MLF1: variants seen among roughly 807,000 people sequenced by gnomAD.
MLF1 encodes myeloid leukemia factor 1.
Under a neutral mutation model 38.3 loss-of-function variants are expected in MLF1, and 37 were observed. The observed-to-expected ratio is 0.96, with a 90% CI of 0.74 to 1.27. The LOEUF is 1.27. Among genes scored for constraint, MLF1 ranks in the 50% most tolerant of loss-of-function variants. The pLI is 0.00. For synonymous variants in MLF1, 95 were observed against 106.5 expected, an observed-to-expected ratio of 0.89 and a Z score of 0.66; for missense variants, 331 against 349.2, an observed-to-expected ratio of 0.95 and a Z score of 0.42.
In MLF1 at chr3:158,592,566, T is replaced by C. The variant is rs770766548; in HGVS notation, c.180T>C (p.Gly60=). 1 of 1,606,962 alleles carries C rather than the reference T, an allele frequency of 6.2e-7. No individual in the cohort carries two copies. Among genetic ancestry groups the C allele is most frequent in the Admixed American group, 1.7e-5 (1 of 59,004 alleles). ...ATAATCGTAGAGGACATAATGATGG[T>C]GAAGATTCTTTGACTGTAAGTTCTT... is the stretch of plus-strand genomic sequence containing the variant. ...RAHNRRGHND[G]EDSLTATSCS... Residue 60 remains glycine, a synonymous_variant, in exon 2 of 8, where the codon GGT becomes GGC. Transcript: ENST00000466246.
intron 1 of MLF1, among the ~76,000 whole-genome samples, chr3:158,587,595 A>G (rs1323818919): frequency 6.6e-6 from 1 of 152,240 alleles, no homozygotes; most frequent in Non-Finnish European, 1.5e-5. Flanking sequence ...CCTGGTATTC[A>G]TGCCTTTATG....
chr3:158,602,006 CG>C (rs1162999476), intron 6 of MLF1, among the ~76,000 whole-genome samples: 3 of 151,652 alleles, frequency 2.0e-5, no homozygotes, highest in Non-Finnish European at 4.4e-5. Context: ...TTAGTAGAGA[CG>C]TGGTTTCACC....
At chr3:158,588,375 G>T (rs1717581225) in intron 1 of MLF1, among the ~76,000 whole-genome samples, 1 of 152,162 alleles carries the variant, frequency 6.6e-6, no homozygotes, top group Non-Finnish European at 1.5e-5. Context: ...ACTAATACAT[G>T]TTATGTCAGA....
At chr3:158,589,390 T>G (rs1717790739) in intron 1 of MLF1, among the ~76,000 whole-genome samples, 1 of 151,990 alleles carries the variant, frequency 6.6e-6, no homozygotes, top group African/African-American at 2.4e-5. Flanking sequence ...TTTTGTACTT[T>G]TAGTAGAAAC....
intron 1 of MLF1, chr3:158,590,776 A>T: frequency 2.2e-6 from 1 of 456,388 alleles, no homozygotes; most frequent in Non-Finnish European, 4.4e-6. Flanking sequence ...GGAATGATAG[A>T]AATGTTCTAC....
chr3:158,596,817 G>C (rs752799351), intron 3 of MLF1, 45 bp from the exon 4 acceptor site: 1 of 1,275,246 alleles, frequency 7.8e-7, no homozygotes, highest in East Asian at 2.4e-5. Flanking sequence ...TGCATCTTTT[G>C]TGTTGTTACC....
chr3:158,605,096 G>C lies in MLF1; in HGVS notation c.747-1G>C, dbSNP rs1720349395. On this transcript the variant is annotated splice_acceptor_variant, in intron 7 of 7. Transcript: ENST00000466246. LOFTEE classifies it high-confidence loss of function. The stretch of plus-strand genomic sequence containing the variant: ...TTAATATTCACATGTATATTTCTCA[G>C]GGAGAAACCTCAACAAAGTCCAGCC... 6.2e-7 allele frequency: 1 copy of C among 1,607,924 alleles called. No individual in the cohort carries two copies. Among genetic ancestry groups the C allele is most frequent in the African/African-American group, 1.3e-5 (1 of 74,764 alleles).
chr3:158,604,472 C>T (rs1720238062), intron 7 of MLF1, among the ~76,000 whole-genome samples: 1 of 152,128 alleles, frequency 6.6e-6, no homozygotes, highest in Non-Finnish European at 1.5e-5. Flanking sequence ...TGAAGCATTG[C>T]TGGTACAACT....
Position 158,593,438 on chromosome 3 carries a change from A to C in MLF1, c.240+12A>C. On this transcript the variant is annotated intron_variant, in intron 3 of 7. Coordinates refer to ENST00000466246, the MANE Select transcript of MLF1 (RefSeq NM_001369783.1). ...ATTTTGGTGGTATGGTTCGTATCTT[A>C]AGACACAAATCATTTTAGCAATATT... is the stretch of plus-strand genomic sequence containing the variant. The C allele has an allele frequency of 1.3e-6, 2 of 1,549,792 alleles. No individual in the cohort carries two copies. Among genetic ancestry groups the C allele is most frequent in the Non-Finnish European group, 1.7e-6 (2 of 1,152,990 alleles).
intron 3 of MLF1, among the ~76,000 whole-genome samples, chr3:158,594,261 A>C (rs1335417942): frequency 2.0e-5 from 3 of 152,162 alleles, no homozygotes; most frequent in African/African-American, 7.2e-5. Flanking sequence ...GGTCAATCCA[A>C]GTAGACTTCT....
At chr3:158,574,505 T>TAAAA (rs758915813) in intron 1 of MLF1, among the ~76,000 whole-genome samples, 3 of 91,382 alleles carry the variant, frequency 3.3e-5, no homozygotes, top group African/African-American at 1.7e-4. Context: ...CCATCTGTAC[T>TAAAA]AAAAAAAAAA....
chr3:158,576,624 T>C (rs976062805), intron 1 of MLF1, among the ~76,000 whole-genome samples: 1 of 151,966 alleles, frequency 6.6e-6, no homozygotes, highest in African/African-American at 2.4e-5. Context: ...TTACCAGCTA[T>C]TGGAGATAGA....
At chr3:158,604,360 CAATGGCATTTTCTGA>C (rs1206887282) in intron 7 of MLF1, among the ~76,000 whole-genome samples, 1 of 152,124 alleles carries the variant, frequency 6.6e-6, no homozygotes, top group African/African-American at 2.4e-5. Context: ...CGGCACTGTC[CAATGGCATTTTCTGA>C]AATGACTTCG....
At chr3:158,583,903 G>C (rs930326361) in intron 1 of MLF1, among the ~76,000 whole-genome samples, 7 of 152,102 alleles carry the variant, frequency 4.6e-5, no homozygotes, top group Admixed American at 4.6e-4. Context: ...CATTTCTACT[G>C]TGACCAACAG....
chr3:158,571,663 A>G (rs1377049584), intron 1 of MLF1, among the ~76,000 whole-genome samples: 2 of 8,528 alleles, frequency 2.3e-4, no homozygotes, highest in Non-Finnish European at 4.1e-4. Flanking sequence ...GGGGGAGAAG[A>G]GTTGAGGCCG....
chr3:158,571,243 G>T lies in MLF1; in HGVS notation c.-58G>T. On this transcript the variant is annotated 5_prime_UTR_variant, in exon 1 of 8. Transcript: ENST00000466246. Reference sequence around the variant, plus strand: ...GGCTAGCTCTTGTCGCGGCCGCGGCGAGTTAACATCGTTTTTCCAATCTGT... The same window carrying T: ...GGCTAGCTCTTGTCGCGGCCGCGGCTAGTTAACATCGTTTTTCCAATCTGT... 2 of 1,411,432 alleles carry T rather than the reference G, an allele frequency of 1.4e-6. No individual in the cohort carries two copies. The highest frequency in any genetic ancestry group is 2.3e-5 in the East Asian group (1 of 43,464). 87.4% of individuals were successfully genotyped at this position (1,411,432 alleles called of 1,614,324 possible).
chr3:158,583,437 G>C (rs1348301260), intron 1 of MLF1, among the ~76,000 whole-genome samples: 7 of 152,016 alleles, frequency 4.6e-5, no homozygotes, highest in Non-Finnish European at 8.8e-5. Flanking sequence ...AAGAAATAAA[G>C]GGAAAGAAAG....
At chr3:158,593,960 A>C (rs1418170558) in intron 3 of MLF1, among the ~76,000 whole-genome samples, 1 of 152,194 alleles carries the variant, frequency 6.6e-6, no homozygotes, top group Non-Finnish European at 1.5e-5. Context: ...GCTAGCTTCC[A>C]ACACACTAAA....
intron 7 of MLF1, among the ~76,000 whole-genome samples, chr3:158,604,806 G>C (rs574240974): frequency 6.6e-6 from 1 of 151,910 alleles, no homozygotes; most frequent in Non-Finnish European, 1.5e-5. Flanking sequence ...CTACAGGCGC[G>C]CATCACCACG....
Sources: allele counts gnomAD v4.1 joint callset (sites outside exome capture counted in the v4.1 genomes callset), GRCh38; gene constraint gnomAD v4.1.1; transcripts MANE v1.5; gene names NCBI Gene and HGNC (gene_info 2026-07-23, HGNC 2026-07-21).